The following RASSF3 variants were observed in gnomAD, a reference collection of about 807,000 sequenced individuals.
RASSF3 encodes the protein Ras association domain family member 3.
Under a neutral mutation model 19.9 loss-of-function variants are expected in RASSF3, and 19 were observed. The ratio of observed to expected loss-of-function variants is 0.96; its 90% CI spans 0.67 to 1.40. The LOEUF (loss-of-function observed/expected upper bound fraction) is 1.40. RASSF3 is among the 40% of genes most tolerant of loss of function. RASSF3 has a pLI of 0.00. For synonymous variants in RASSF3, 110 were observed against 104.2 expected, an observed-to-expected ratio of 1.06 and a Z score of -0.34; for missense variants, 306 against 289.8, an observed-to-expected ratio of 1.06 and a Z score of -0.41.
upstream of RASSF3, among the ~76,000 whole-genome samples, chr12:64,529,331 A>G (rs558218483): frequency 4.1e-4 from 63 of 152,218 alleles, no homozygotes; most frequent in Non-Finnish European, 5.7e-4. Flanking sequence ...GATGTAGTAG[A>G]TATCTGATTT....
At chr12:64,690,036 G>A (rs1387447927) in intron 3 of RASSF3, among the ~76,000 whole-genome samples, 6 of 151,874 alleles carry the variant, frequency 4.0e-5, no homozygotes, top group East Asian at 1.9e-4. Context: ...TGATCCGCCC[G>A]CCTCAGCCTC....
intron 2 of RASSF3, among the ~76,000 whole-genome samples, chr12:64,685,992 T>C (rs1269459994): frequency 6.6e-6 from 1 of 152,158 alleles, no homozygotes; most frequent in African/African-American, 2.4e-5. Flanking sequence ...AAACAGGCCC[T>C]ACCGAATCGG....
chr12:64,512,928 A>C (rs962400589), intron 1 of RASSF3, among the ~76,000 whole-genome samples: 1 of 152,182 alleles, frequency 6.6e-6, no homozygotes, highest in Non-Finnish European at 1.5e-5. Flanking sequence ...ATGGTTAGTC[A>C]AAACTAAAGA....
intron 1 of RASSF3, among the ~76,000 whole-genome samples, chr12:64,682,022 T>C (rs1425483362): frequency 6.6e-6 from 1 of 152,066 alleles, no homozygotes. Context: ...ACAAAACACT[T>C]TCTTGGAAGT....
At chr12:64,646,972 A>G (rs1156443597) in intron 1 of RASSF3, among the ~76,000 whole-genome samples, 2 of 152,210 alleles carry the variant, frequency 1.3e-5, no homozygotes, top group Non-Finnish European at 2.9e-5. Context: ...TGAAGAAGCT[A>G]AAGCTTTGAG....
chr12:64,579,070 T>C (rs1869643315), intron 2 of RASSF3, among the ~76,000 whole-genome samples: 1 of 151,072 alleles, frequency 6.6e-6, no homozygotes, highest in South Asian at 2.1e-4. Context: ...GAGGTTGCAG[T>C]GAGCCGAGAT....
chr12:64,632,447 G>A (rs944639679), intron 1 of RASSF3, among the ~76,000 whole-genome samples: 27 of 152,182 alleles, frequency 1.8e-4, no homozygotes, highest in African/African-American at 6.3e-4. Flanking sequence ...TAGGGATATT[G>A]TTTGGAAGGT....
chr12:64,653,524 C>G (rs895096466), intron 1 of RASSF3, among the ~76,000 whole-genome samples: 2 of 151,880 alleles, frequency 1.3e-5, no homozygotes, highest in African/African-American at 2.4e-5. Flanking sequence ...GTTAGGACTT[C>G]AACATATGAT....
chr12:64,571,086 C>T (rs571607094), intron 2 of RASSF3, among the ~76,000 whole-genome samples: 1 of 152,024 alleles, frequency 6.6e-6, no homozygotes, highest in African/African-American at 2.4e-5. Flanking sequence ...GGTGTGGTCG[C>T]GGGCGCCTGT....
intron 1 of RASSF3, among the ~76,000 whole-genome samples, chr12:64,658,103 G>A (rs944923551): frequency 5.9e-5 from 9 of 152,172 alleles, no homozygotes; most frequent in Admixed American, 5.2e-4. Context: ...TGGTAGAAGT[G>A]TGGGTGGTGT....
chr12:64,606,781 C>CTCCA (rs1161436598), upstream of RASSF3, among the ~76,000 whole-genome samples: 1 of 152,118 alleles, frequency 6.6e-6, no homozygotes, highest in Non-Finnish European at 1.5e-5. Flanking sequence ...TAGCACTGCA[C>CTCCA]TCCAGCCTGG....
intron 1 of RASSF3, among the ~76,000 whole-genome samples, chr12:64,637,833 A>ATT (rs751326161): frequency 1.7e-4 from 23 of 131,974 alleles, no homozygotes; most frequent in African/African-American, 3.9e-4. Flanking sequence ...TAGTTATCAG[A>ATT]TTTTTTTTTT....
At chr12:64,544,680 C>CT (rs1324791244), downstream of RASSF3, among the ~76,000 whole-genome samples, 10 of 151,938 alleles carry the variant, frequency 6.6e-5, no homozygotes, top group Admixed American at 2.0e-4. Context: ...ATCTGAGTGT[C>CT]TTGTCAGTTT....
chr12:64,509,903 G>A (rs192802662), intron 1 of RASSF3, among the ~76,000 whole-genome samples: 49 of 152,012 alleles, frequency 3.2e-4, no homozygotes, highest in African/African-American at 1.1e-3. Context: ...CCTGGCCACC[G>A]CGGTGAAACC....
chr12:64,639,481 A>G (rs141070282), intron 1 of RASSF3, among the ~76,000 whole-genome samples: 152 of 152,058 alleles, frequency 1.0e-3, no homozygotes, highest in African/African-American at 3.6e-3. Context: ...TAAAATTTCT[A>G]TAATTTATTT....
downstream of RASSF3, among the ~76,000 whole-genome samples, chr12:64,544,159 A>T (rs1382614441): frequency 6.6e-6 from 1 of 152,006 alleles, no homozygotes; most frequent in Non-Finnish European, 1.5e-5. Flanking sequence ...CACTGCGTTT[A>T]TGAGCTGTAA....
chr12:64,685,476 C>T (rs1369613328), intron 2 of RASSF3, among the ~76,000 whole-genome samples: 2 of 152,120 alleles, frequency 1.3e-5, no homozygotes, highest in East Asian at 1.9e-4. Context: ...AATTCCTTGG[C>T]TCAAGGGATC....
intron 1 of RASSF3, among the ~76,000 whole-genome samples, chr12:64,624,064 G>T (rs1245168): frequency 0.29 from 44,277 of 151,842 alleles, 7,155 homozygotes; most frequent in Non-Finnish European, 0.37. Flanking sequence ...ATCCTTGGCT[G>T]TCATGTTGAT....
At chr12:64,565,673 A>G (rs774915924) in intron 2 of RASSF3, among the ~76,000 whole-genome samples, 3 of 152,168 alleles carry the variant, frequency 2.0e-5, no homozygotes, top group Non-Finnish European at 2.9e-5. Context: ...AGATCACGCC[A>G]TTGCACTCCA....
Sources: allele counts gnomAD v4.1 joint callset (sites outside exome capture counted in the v4.1 genomes callset), GRCh38; gene constraint gnomAD v4.1.1; transcripts MANE v1.5; gene names NCBI Gene and HGNC (gene_info 2026-07-23, HGNC 2026-07-21).